The following PTPRD variants were observed in gnomAD, a reference collection of about 807,000 sequenced individuals.
PTPRD encodes the protein receptor-type tyrosine-protein phosphatase delta.
PTPRD carries 34 observed loss-of-function variants against 214.5 expected under a neutral mutation model. The ratio of observed to expected loss-of-function variants is 0.16; its 90% confidence interval spans 0.12 to 0.21. The LOEUF (loss-of-function observed/expected upper bound fraction) is 0.21. Ranked by LOEUF, PTPRD falls within the 10% of genes least tolerant of loss-of-function variation. The pLI is 1.00. For missense variants in PTPRD, 2,545 were observed against 2,398.7 expected (o/e 1.06, Z -1.27); for synonymous variants, 1,128 against 845.7 (o/e 1.33, Z -5.79).
intron 5 of PTPRD, among the ~76,000 whole-genome samples, chr9:9,918,091 A>C (rs2081446672): frequency 6.6e-6 from 1 of 152,016 alleles, no homozygotes; most frequent in Non-Finnish European, 1.5e-5. Flanking sequence ...AGGAATACAA[A>C]TTGGAAAGAA....
chr9:9,463,002 TAA>T (rs1435458563), intron 8 of PTPRD, among the ~76,000 whole-genome samples: 1 of 152,100 alleles, frequency 6.6e-6, no homozygotes, highest in South Asian at 2.1e-4. Context: ...CTACCAAAAG[TAA>T]AAAAGATTGT....
At chr9:9,929,645 G>C (rs1009447887) in intron 5 of PTPRD, among the ~76,000 whole-genome samples, 2 of 152,100 alleles carry the variant, frequency 1.3e-5, no homozygotes, top group African/African-American at 2.4e-5. Flanking sequence ...GCCCACCTCA[G>C]CCTCACAAAG....
intron 3 of PTPRD, among the ~76,000 whole-genome samples, chr9:10,125,574 C>T (rs2098811852): frequency 6.6e-6 from 1 of 150,930 alleles, no homozygotes; most frequent in Non-Finnish European, 1.5e-5. Flanking sequence ...CCTGCCTCAG[C>T]CTCCTGAGTA....
At chr9:9,781,674 G>A (rs1407491850) in intron 5 of PTPRD, among the ~76,000 whole-genome samples, 1 of 152,110 alleles carries the variant, frequency 6.6e-6, no homozygotes. Context: ...TAGCCTTAAT[G>A]AACTTTACAA....
At chr9:8,528,191 A>G (rs980708075) in intron 15 of PTPRD, 4 of 405,774 alleles carry the variant, frequency 9.9e-6, no homozygotes, top group Middle Eastern at 6.0e-4. Flanking sequence ...TTTAATGGAT[A>G]CAACCATTGG....
At chr9:9,423,419 C>G (rs1455278261) in intron 8 of PTPRD, among the ~76,000 whole-genome samples, 4 of 152,266 alleles carry the variant, frequency 2.6e-5, no homozygotes, top group African/African-American at 7.2e-5. Flanking sequence ...GCCTCTTGAT[C>G]TTGGACTTCT....
chr9:8,952,825 G>T (rs1166938799), intron 11 of PTPRD, among the ~76,000 whole-genome samples: 3 of 151,910 alleles, frequency 2.0e-5, no homozygotes, highest in African/African-American at 7.2e-5. Flanking sequence ...AACAGTTGAA[G>T]AATTTTTTTT....
chr9:9,425,922 G>A (rs1036099620), intron 8 of PTPRD, among the ~76,000 whole-genome samples: 1 of 152,126 alleles, frequency 6.6e-6, no homozygotes. Context: ...AAGAAACACT[G>A]GGGGAGGTTC....
rs781217940 is a variant in PTPRD at position 8,499,760 on chromosome 9, G to A, written c.2209C>T (p.Pro737Ser). The A allele has an allele frequency of 6.2e-7, 1 of 1,614,058 alleles. No homozygotes were observed. Among genetic ancestry groups the A allele is most frequent in the African/African-American group, 1.3e-5 (1 of 75,020 alleles). The change falls in exon 25 of 46, where the codon CCC (proline) becomes TCC (serine). Residue 737 changes from proline (P) to serine (S), a missense_variant. Physicochemically the swap from Pro to Ser is moderately conservative, Grantham distance 74. Transcript: ENST00000381196. ...SVKVSWRSPV[P>S]NKQHGQIRGY... ...CTTATCTGGCCATGCTGTTTATTGG[G>A]CACGGGTGAGCGCCATGAGACTTTA... is the stretch of plus-strand genomic sequence containing the variant.
At chr9:10,028,205 C>T (rs1182767699) in intron 4 of PTPRD, among the ~76,000 whole-genome samples, 3 of 152,202 alleles carry the variant, frequency 2.0e-5, no homozygotes, top group Non-Finnish European at 4.4e-5. Context: ...CCATGTGAGA[C>T]ATGCGTTTCA....
chr9:9,259,755 G>T (rs2099979279), intron 9 of PTPRD, among the ~76,000 whole-genome samples: 1 of 151,912 alleles, frequency 6.6e-6, no homozygotes, highest in African/African-American at 2.4e-5. Context: ...ACGCAGATCA[G>T]GTGGAGAAGA....
At chr9:9,256,556 A>T (rs527418861) in intron 9 of PTPRD, among the ~76,000 whole-genome samples, 1 of 152,108 alleles carries the variant, frequency 6.6e-6, no homozygotes, top group East Asian at 2.0e-4. Flanking sequence ...CTTTAAAGTG[A>T]AAATGACTTG....
At chr9:10,427,597 A>G (rs912551650) in intron 2 of PTPRD, among the ~76,000 whole-genome samples, 5 of 152,076 alleles carry the variant, frequency 3.3e-5, no homozygotes, top group African/African-American at 1.2e-4. Context: ...CACTAGAGCT[A>G]TGTGCCAATC....
At chr9:8,370,207 T>TACAC (rs78658053) in intron 39 of PTPRD, among the ~76,000 whole-genome samples, 5,379 of 81,856 alleles carry the variant, frequency 0.066, 318 homozygotes, top group African/African-American at 0.19. Context: ...CATATATATA[T>TACAC]ACACACACAC....
chr9:9,935,932 C>A (rs1331978539), intron 5 of PTPRD, among the ~76,000 whole-genome samples: 2 of 150,998 alleles, frequency 1.3e-5, no homozygotes, highest in African/African-American at 2.4e-5. Flanking sequence ...TGCATATCTA[C>A]AACTATCTGA....
chr9:9,384,495 C>A (rs2063301256), intron 9 of PTPRD, among the ~76,000 whole-genome samples: 2 of 150,736 alleles, frequency 1.3e-5, no homozygotes, highest in Non-Finnish European at 1.5e-5. Context: ...TGAGCTCTTG[C>A]AGTAAGTATT....
intron 9 of PTPRD, among the ~76,000 whole-genome samples, chr9:9,275,199 T>TGTTA (rs1491465404): frequency 7.7e-4 from 8 of 10,392 alleles, no homozygotes; most frequent in Non-Finnish European, 1.9e-3. Flanking sequence ...TATATATATA[T>TGTTA]TATATATATA....
At chr9:9,967,225 T>C (rs906067625) in intron 4 of PTPRD, among the ~76,000 whole-genome samples, 1 of 152,194 alleles carries the variant, frequency 6.6e-6, no homozygotes, top group African/African-American at 2.4e-5. Context: ...GATATAAAAA[T>C]AGTGCCTCCC....
At chr9:10,561,162 T>C (rs2063865958) in intron 2 of PTPRD, among the ~76,000 whole-genome samples, 2 of 152,188 alleles carry the variant, frequency 1.3e-5, no homozygotes, top group African/African-American at 2.4e-5. Flanking sequence ...AACAGACCCA[T>C]GGTTGAAATC....
Sources: allele counts gnomAD v4.1 joint callset (sites outside exome capture counted in the v4.1 genomes callset), GRCh38; gene constraint gnomAD v4.1.1; transcripts MANE v1.5; gene names NCBI Gene and HGNC (gene_info 2026-07-23, HGNC 2026-07-21).